The following SP110 variants were observed in gnomAD, a reference collection of about 807,000 sequenced individuals.
The protein encoded by SP110 is SP110 nuclear body protein.
Under a neutral mutation model 92.7 loss-of-function variants are expected in SP110, and 62 were observed. The observed-to-expected ratio is 0.67, with a 90% CI of 0.55 to 0.83. SP110 has a LOEUF of 0.83. Ranked by LOEUF, SP110 falls within the 40% of genes least tolerant of loss-of-function variation. SP110 has a pLI of 0.00. For synonymous variants in SP110, 273 were observed against 305.3 expected (o/e 0.89, Z 1.10); for missense variants, 793 against 863.9 (o/e 0.92, Z 1.03).
At position 230,172,961 on chromosome 2, in the gene SP110, T is replaced by A. The variant is rs2078488445; in HGVS notation, c.1591-2A>T. On this transcript the variant is annotated splice_acceptor_variant, in intron 14 of 18. Coordinates refer to ENST00000258381, the MANE Select transcript of SP110 (RefSeq NM_080424.4). LOFTEE classifies it high-confidence loss of function. The stretch of plus-strand genomic sequence containing the variant: ...CTCGCATTCATCCGAGTTTTTCCGC[T>A]GCAAGGGCAGATAACGTGGGCACCG... The A allele has an allele frequency of 1.2e-6, 2 of 1,607,358 alleles. No homozygotes were observed. The highest frequency in any genetic ancestry group is 4.5e-5 in the East Asian group (2 of 44,852).
At chr2:230,180,728 C>T (rs2042093350) in intron 12 of SP110, among the ~76,000 whole-genome samples, 1 of 152,144 alleles carries the variant, frequency 6.6e-6, no homozygotes, top group Non-Finnish European at 1.5e-5. Context: ...AACAACAGCA[C>T]AGATACTCTG....
At chr2:230,214,086 T>C (rs888171476) in intron 3 of SP110, 2 of 152,252 alleles carry the variant, frequency 1.3e-5, no homozygotes, top group Non-Finnish European at 2.9e-5. Context: ...TAAGTGAACA[T>C]GTGATTTGGC....
chr2:230,219,022 C>G (rs865887083), intron 1 of SP110, among the ~76,000 whole-genome samples: 1 of 152,074 alleles, frequency 6.6e-6, no homozygotes, highest in South Asian at 2.1e-4. Context: ...GTCAGGAGTT[C>G]GAGACCAGCC....
intron 6 of SP110, among the ~76,000 whole-genome samples, chr2:230,210,758 T>C (rs2044381443): frequency 6.6e-6 from 1 of 152,204 alleles, no homozygotes; most frequent in Non-Finnish European, 1.5e-5. Flanking sequence ...TGCATTGAGA[T>C]TGGTCTCAAA....
intron 13 of SP110, among the ~76,000 whole-genome samples, 180 bp from the exon 14 acceptor site, chr2:230,177,860 C>T (rs2041937700): frequency 6.6e-6 from 1 of 152,194 alleles, no homozygotes; most frequent in African/African-American, 2.4e-5. Flanking sequence ...GCCCTAAAGC[C>T]TGACTGAGTG....
intron 18 of SP110, among the ~76,000 whole-genome samples, chr2:230,169,870 C>T (rs752995035): frequency 6.6e-6 from 1 of 152,160 alleles, no homozygotes; most frequent in African/African-American, 2.4e-5. Flanking sequence ...TCCAGGACTA[C>T]GGATATGCCA....
chr2:230,179,711 C>T (rs1165508249), intron 12 of SP110, among the ~76,000 whole-genome samples: 2 of 151,990 alleles, frequency 1.3e-5, no homozygotes, highest in African/African-American at 4.8e-5. Context: ...AGTTCTCTGT[C>T]TCCACAGAAA....
chr2:230,190,205 A>C (rs2042549467), intron 10 of SP110, among the ~76,000 whole-genome samples: 1 of 152,150 alleles, frequency 6.6e-6, no homozygotes, highest in South Asian at 2.1e-4. Flanking sequence ...CCACAGCCTC[A>C]CCAGCATCTA....
intron 10 of SP110, among the ~76,000 whole-genome samples, chr2:230,192,516 G>A (rs73100061): frequency 0.028 from 4,214 of 152,150 alleles, 196 homozygotes; most frequent in African/African-American, 0.096. Context: ...GCCAAATCAT[G>A]ATGAACTACC....
chr2:230,172,911 G>A lies in SP110; in HGVS notation c.1639C>T (p.Leu547Phe), dbSNP rs376116343. The change falls in exon 15 of 19, where the codon CTC becomes TTC. Residue 547 changes from leucine (L) to phenylalanine (F), a missense_variant. Coordinates refer to ENST00000258381, the MANE Select transcript of SP110 (RefSeq NM_080424.4). ...ACTCGTGGACAAGTACCGCAGCAGA[G>A]AAGTTGTCCCCCTTGACAGCACACC... ...CEVCCQGGQL[L>F]CCGTCPRVFH... is the part of the protein sequence containing the mutation. The A allele has an allele frequency of 6.2e-7, 1 of 1,614,218 alleles. No individual in the cohort carries two copies. The highest frequency in any genetic ancestry group is 8.5e-7 in the Non-Finnish European group (1 of 1,180,026).
chr2:230,177,153 A>T (rs2041899458), intron 14 of SP110, among the ~76,000 whole-genome samples: 1 of 152,156 alleles, frequency 6.6e-6, no homozygotes, highest in Admixed American at 6.5e-5. Flanking sequence ...GAGACAGACC[A>T]CGGACTGGGC....
At chr2:230,221,605 T>C (rs750618587), upstream of SP110, 10 of 1,161,552 alleles carry the variant, frequency 8.6e-6, no homozygotes, top group Middle Eastern at 2.1e-4. Flanking sequence ...AGAGGGTGCA[T>C]TGATGCCTCA....
chr2:230,199,152 T>TA (rs2043015869), intron 10 of SP110, among the ~76,000 whole-genome samples: 92 of 106,818 alleles, frequency 8.6e-4, no homozygotes, highest in Middle Eastern at 5.4e-3. Context: ...ATTATTATTT[T>TA]TTTTTTTTTT....
chr2:230,196,578 C>T (rs947396312), intron 10 of SP110, among the ~76,000 whole-genome samples: 3 of 151,346 alleles, frequency 2.0e-5, no homozygotes, highest in Non-Finnish European at 2.9e-5. Context: ...TTTTAGGGTA[C>T]ATGTGCACAA....
chr2:230,216,104 C>G (rs1368292926), intron 2 of SP110, among the ~76,000 whole-genome samples: 1 of 152,190 alleles, frequency 6.6e-6, no homozygotes. Flanking sequence ...CTGCCTGTCT[C>G]ACATCAGAAT....
In SP110 at chr2:230,168,995, T is replaced by G. The variant is rs994546266; in HGVS notation, c.*129A>C. On this transcript the variant is annotated 3_prime_UTR_variant, in exon 19 of 19. Coordinates refer to ENST00000258381, the MANE Select transcript of SP110 (RefSeq NM_080424.4). Reference sequence around the variant, plus strand: ...AAAGATGGAGGGTGTGATAATCCTATGAAGTGTCTGGGTTTGGGTCCTGAG... The same window carrying G: ...AAAGATGGAGGGTGTGATAATCCTAGGAAGTGTCTGGGTTTGGGTCCTGAG... The G allele has an allele frequency of 1.3e-6, 1 of 754,244 alleles. No individual in the cohort carries two copies. Among genetic ancestry groups the G allele is most frequent in the African/African-American group, 1.7e-5 (1 of 58,456 alleles). The allele number at this position is 754,244 out of a possible 1,614,324, so 46.7% of individuals were successfully genotyped here.
Position 230,177,541 on chromosome 2 carries a change from C to G in SP110, c.1587G>C (p.Leu529=). Residue 529 remains leucine (L), a synonymous_variant, in exon 14 of 19, where the codon CTG becomes CTC. Coordinates refer to ENST00000258381, the MANE Select transcript of SP110 (RefSeq NM_080424.4). The part of the protein sequence containing the change: ...RCEGMTLGEL[L]KRKNSDECEV... ...ATCTGTCCCGTCATTATAATACCTT[C>G]AGCAGCTCTCCTAGGGTCATTCCTT... 1 of 1,614,072 alleles carries G rather than the reference C, an allele frequency of 6.2e-7. No homozygotes were observed. Among genetic ancestry groups the G allele is most frequent in the Non-Finnish European group, 8.5e-7 (1 of 1,179,902 alleles).
chr2:230,221,264 G>C (rs2045794427), upstream of SP110, among the ~76,000 whole-genome samples: 1 of 146,196 alleles, frequency 6.8e-6, no homozygotes, highest in Admixed American at 6.9e-5. Context: ...CTGGGTGACA[G>C]AGCAAGACTC....
Position 230,179,336 on chromosome 2 carries a change from G to A in SP110, c.1349-1081C>T, listed in dbSNP as rs543481335. On this transcript the variant is annotated intron_variant, in intron 12 of 18. Coordinates refer to ENST00000258381, the MANE Select transcript of SP110 (RefSeq NM_080424.4). ...AGGCTAGGCATGGGGGTGGAGGGTA[G>A]TGGGGGTGTGGGAACTTACGGTGGG... Among the ~76,000 whole-genome samples the A allele has an allele frequency of 4.0e-3, 597 of 150,830 alleles. 6 individuals are homozygous for A. Among genetic ancestry groups the A allele is most frequent in the African/African-American group, 0.014 (558 of 40,248 alleles).
Sources: gnomAD v4.1 joint callset for allele counts (sites outside exome capture counted in the v4.1 genomes callset) on GRCh38, gnomAD v4.1.1 for gene constraint, MANE v1.5 for transcripts, NCBI Gene and HGNC (gene_info 2026-07-23, HGNC 2026-07-21) for gene names.